The following RMI2 variants were observed in gnomAD, a reference collection of about 807,000 sequenced individuals.
The protein encoded by RMI2 is recQ-mediated genome instability protein 2.
A neutral mutation model predicts 8.4 loss-of-function variants in RMI2; 11 were observed. The observed-to-expected ratio is 1.32, with a 90% CI of 0.83 to 2.18. The LOEUF is 2.18. Among genes scored for constraint, RMI2 ranks in the 30% most tolerant of loss-of-function variants. RMI2 has a pLI of 0.00. For synonymous variants in RMI2, 105 were observed against 93.8 expected, an observed-to-expected ratio of 1.12 and a Z score of -0.69; for missense variants, 253 against 207.5, an observed-to-expected ratio of 1.22 and a Z score of -1.35.
chr16:11,351,530 A>G lies in RMI2; in HGVS notation c.*740A>G. On this transcript the variant is annotated 3_prime_UTR_variant, in exon 2 of 2. Coordinates refer to ENST00000312499, the MANE Select transcript of RMI2 (RefSeq NM_152308.3). ...CAGGCATTAGCTAAACTTCCACTTC[A>G]TAACTTTCGGCGAGACATGGTGAGC... The G allele has an allele frequency of 4.3e-6, 1 of 232,324 alleles. No homozygotes were observed. The allele number at this position is 232,324 out of a possible 1,614,324, so 14.4% of individuals were successfully genotyped here.
chr16:11,346,439 T>C (rs1471789978), intron 1 of RMI2, among the ~76,000 whole-genome samples: 2 of 152,148 alleles, frequency 1.3e-5, no homozygotes, highest in African/African-American at 4.8e-5. Flanking sequence ...TTTGTATTTT[T>C]TAGCAGAGAC....
intron 1 of RMI2, among the ~76,000 whole-genome samples, chr16:11,346,410 C>A (rs778463862): frequency 5.3e-5 from 8 of 152,278 alleles, no homozygotes; most frequent in Admixed American, 3.9e-4. Flanking sequence ...CAGGCATGTG[C>A]CACCACACCC....
chr16:11,349,545 A>G lies in RMI2; in HGVS notation c.296-1097A>G, dbSNP rs1397761742. ...AGTCATTCTACTTCTGTGTGTTCCA[A>G]CCCTACCAGCACTTTAGGCCCCTTC... On this transcript the variant is annotated intron_variant, in intron 1 of 1. Coordinates refer to ENST00000312499, the MANE Select transcript of RMI2 (RefSeq NM_152308.3). The surrounding 1 kb of genome is among the most constrained non-coding windows in gnomAD (Gnocchi z 4.2). Among the ~76,000 whole-genome samples the G allele has an allele frequency of 1.3e-5, 2 of 151,928 alleles. No individual in the cohort carries two copies. The highest frequency in any genetic ancestry group is 4.8e-5 in the African/African-American group (2 of 41,356).
In RMI2 at chr16:11,349,690, CA is replaced by C. The variant is rs147032163; in HGVS notation, c.296-951del. 4.5e-4 allele frequency among the ~76,000 whole-genome samples: 68 copies of C among 152,332 alleles called. 1 individual carries two copies. The East Asian group carries it at 0.012, about 27-fold the overall frequency. Reference sequence around the variant, plus strand: ...CCTGCCTGGGGTTGAACAGCAGGATCAGGGGTCAGCTTGCCTGGGGCTTCAG... The same window carrying C: ...CCTGCCTGGGGTTGAACAGCAGGATCGGGGTCAGCTTGCCTGGGGCTTCAG... On this transcript the variant is annotated intron_variant, in intron 1 of 1. Transcript: ENST00000312499. This position sits in a 1 kb window ranked among gnomAD's most constrained non-coding sequence, Gnocchi z 4.2.
chr16:11,347,480 G>C (rs954514734), intron 1 of RMI2, among the ~76,000 whole-genome samples: 2 of 152,220 alleles, frequency 1.3e-5, no homozygotes, highest in Non-Finnish European at 2.9e-5. Context: ...GAGCACTCTT[G>C]TTAACTTTTC....
chr16:11,345,598 C>A lies in RMI2; in HGVS notation c.127C>A (p.Leu43Met), dbSNP rs992896591. ...GGAGGGCGGCCCGGGCGCGTGGCGG[C>A]TGTCACGGGCGGCGGCGGGCCGCGG... is the stretch of plus-strand genomic sequence containing the variant. ...DAEGGPGAWR[L>M]SRAAAGRGPL... is the part of the protein sequence containing the mutation. Residue 43 changes from leucine (L) to methionine (M), a missense_variant, in exon 1 of 2, where the codon CTG becomes ATG. Coordinates refer to ENST00000312499, the MANE Select transcript of RMI2 (RefSeq NM_152308.3). 3.3e-6 allele frequency: 4 copies of A among 1,223,546 alleles called. No individual in the cohort carries two copies. The African/African-American group carries it at 4.7e-5, about 14-fold the overall frequency. 75.8% of individuals were successfully genotyped at this position (1,223,546 alleles called of 1,614,324 possible).
intron 1 of RMI2, among the ~76,000 whole-genome samples, chr16:11,346,352 C>G (rs1296203668): frequency 4.6e-5 from 7 of 151,678 alleles, no homozygotes. Flanking sequence ...CTCCACCTCC[C>G]GAATTCAAGC....
At chr16:11,350,208 A>G (rs1162576298) in intron 1 of RMI2, among the ~76,000 whole-genome samples, 1 of 152,238 alleles carries the variant, frequency 6.6e-6, no homozygotes, top group African/African-American at 2.4e-5. Flanking sequence ...CCGCCTAATT[A>G]TAACTCGCTC....
chr16:11,351,601 C>T lies in RMI2; in HGVS notation c.*811C>T, dbSNP rs1195419951. The T allele has an allele frequency of 8.6e-6, 2 of 231,752 alleles. No homozygotes were observed. Among genetic ancestry groups the T allele is most frequent in the African/African-American group, 2.2e-5 (1 of 45,256 alleles). The allele number at this position is 231,752 out of a possible 1,614,324, so 14.4% of individuals were successfully genotyped here. ...TGTCTTTGTATGGAATGACTTTTTG[C>T]TGTGATGGTTTTGAATGTTGGGTTT... On this transcript the variant is annotated 3_prime_UTR_variant, in exon 2 of 2. Transcript: ENST00000312499.
At chr16:11,347,906 G>A (rs1023512522) in intron 1 of RMI2, among the ~76,000 whole-genome samples, 3 of 152,080 alleles carry the variant, frequency 2.0e-5, no homozygotes, top group African/African-American at 7.2e-5. Flanking sequence ...TCAGCCTCCC[G>A]AGTAGCTGGG....
intron 1 of RMI2, among the ~76,000 whole-genome samples, chr16:11,347,304 C>T (rs905782967): frequency 1.3e-4 from 20 of 152,160 alleles, no homozygotes; most frequent in Non-Finnish European, 2.4e-4. Context: ...TCAGCTCCCT[C>T]TCCTGGGAAA....
intron 1 of RMI2, among the ~76,000 whole-genome samples, chr16:11,346,558 G>T (rs1315553781): frequency 1.3e-5 from 2 of 152,120 alleles, no homozygotes; most frequent in African/African-American, 4.8e-5. Context: ...GCTGCGCCCT[G>T]CCTGCTTCCT....
At chr16:11,346,963 C>T (rs1025767477) in intron 1 of RMI2, among the ~76,000 whole-genome samples, 1 of 152,230 alleles carries the variant, frequency 6.6e-6, no homozygotes, top group South Asian at 2.1e-4. Context: ...GTCCTGACAA[C>T]TGTATCCTCA....
Position 11,350,958 on chromosome 16 carries a change from G to A in RMI2, c.*168G>A, listed in dbSNP as rs918181364. The A allele has an allele frequency of 1.9e-5, 10 of 525,422 alleles. No homozygotes were observed. Among genetic ancestry groups the A allele is most frequent in the South Asian group, 2.7e-5 (1 of 36,498 alleles). 32.5% of individuals were successfully genotyped at this position (525,422 alleles called of 1,614,324 possible). On this transcript the variant is annotated 3_prime_UTR_variant, in exon 2 of 2. Coordinates refer to ENST00000312499, the MANE Select transcript of RMI2 (RefSeq NM_152308.3). ...CGGATGTAGGAATGTTTAAATCCTC[G>A]GATACTTCAGTGACACAGCCTCTGC... is the stretch of plus-strand genomic sequence containing the variant.
Position 11,351,124 on chromosome 16 carries a change from T to A in RMI2, c.*334T>A, listed in dbSNP as rs1372694614. The A allele has an allele frequency of 3.1e-5, 8 of 254,720 alleles. No homozygotes were observed. The highest frequency in any genetic ancestry group is 6.1e-5 in the Non-Finnish European group (8 of 132,196). 15.8% of individuals were successfully genotyped at this position (254,720 alleles called of 1,614,324 possible). A position where few individuals can be genotyped will look rare whatever the true frequency, so the allele number is the denominator to read the frequency against. On this transcript the variant is annotated 3_prime_UTR_variant, in exon 2 of 2. Transcript: ENST00000312499. ...TGCATTTTCCAAATTTTATGAGTGA[T>A]GATACTTTTTCCATTACTGCTGCGT...
In RMI2 at chr16:11,351,734, T is replaced by G. The variant is rs1193906944; in HGVS notation, c.*944T>G. ...AGACTTTCACCTGGATTATTGATAT[T>G]CTACCTCTAATAAATTTTTAATAGG... On this transcript the variant is annotated 3_prime_UTR_variant, in exon 2 of 2. Coordinates refer to ENST00000312499, the MANE Select transcript of RMI2 (RefSeq NM_152308.3). 9.3e-6 allele frequency: 2 copies of G among 215,788 alleles called. No homozygotes were observed. The highest frequency in any genetic ancestry group is 4.5e-5 in the African/African-American group (2 of 44,424). The allele number at this position is 215,788 out of a possible 1,614,324, so 13.4% of individuals were successfully genotyped here.
At position 11,345,700 on chromosome 16, in the gene RMI2, C is replaced by T. The variant is rs770984698; in HGVS notation, c.229C>T (p.Pro77Ser). Residue 77 changes from proline to serine, a missense_variant, in exon 1 of 2, where the codon CCG becomes TCG. By Grantham distance (74) the Pro-to-Ser change is moderately conservative (BLOSUM62 -1). Transcript: ENST00000312499. ...ADRGEARLRD[P>S]SGDFSVRGLE... ...CCGCGGCGAGGCTCGGCTGAGGGAC[C>T]CGAGCGGGGACTTCTCGGTCCGCGG... is the stretch of plus-strand genomic sequence containing the variant. The T allele has an allele frequency of 2.5e-5, 31 of 1,263,984 alleles. 1 individual carries two copies. The South Asian group carries it at 6.6e-4, about 27-fold the overall frequency. The allele number at this position is 1,263,984 out of a possible 1,614,324, so 78.3% of individuals were successfully genotyped here.
chr16:11,349,746 A>T lies in RMI2; in HGVS notation c.296-896A>T, dbSNP rs940952422. Among the ~76,000 whole-genome samples, 1 of 152,162 alleles carries T rather than the reference A, an allele frequency of 6.6e-6. No homozygotes were observed. Among genetic ancestry groups the T allele is most frequent in the African/African-American group, 2.4e-5 (1 of 41,436 alleles). ...AGCCCCAGGCCCCACGTGCAGTGCAATGAAAGCCTCACGGGGCAGGCAGCA... is the reference window on the plus strand; with the variant it reads ...AGCCCCAGGCCCCACGTGCAGTGCATTGAAAGCCTCACGGGGCAGGCAGCA... On this transcript the variant is annotated intron_variant, in intron 1 of 1. Transcript: ENST00000312499. The surrounding 1 kb of genome is among the most constrained non-coding windows in gnomAD (Gnocchi z 4.2).
At position 11,349,843 on chromosome 16, in the gene RMI2, G is replaced by A. The variant is rs1343350143; in HGVS notation, c.296-799G>A. ...TTACACAATCGGGTTTTATGTGGTT[G>A]AGACTGGCCAAGTTTTGCTTTCAAG... On this transcript the variant is annotated intron_variant, in intron 1 of 1. Coordinates refer to ENST00000312499, the MANE Select transcript of RMI2 (RefSeq NM_152308.3). This position sits in a 1 kb window ranked among gnomAD's most constrained non-coding sequence, Gnocchi z 4.2. Among the ~76,000 whole-genome samples, 1 of 152,230 alleles carries A rather than the reference G, an allele frequency of 6.6e-6. No homozygotes were observed. The highest frequency in any genetic ancestry group is 6.5e-5 in the Admixed American group (1 of 15,288).
Sources: gnomAD v4.1 joint callset for allele counts (sites outside exome capture counted in the v4.1 genomes callset) on GRCh38, gnomAD v4.1.1 for gene constraint, Gnocchi (gnomAD v3.1) non-coding constraint, MANE v1.5 for transcripts, NCBI Gene and HGNC (gene_info 2026-07-23, HGNC 2026-07-21) for gene names.